Variants in RNF169 observed in about 807,000 individuals in gnomAD.
RNF169 encodes the protein ring finger protein 169.
A neutral mutation model predicts 53.9 loss-of-function variants in RNF169; 24 were observed. The observed-to-expected ratio is 0.45, with a 90% CI of 0.32 to 0.63. The LOEUF (loss-of-function observed/expected upper bound fraction) is 0.63, where lower values mean the gene tolerates loss of function less well. Among genes scored for constraint, RNF169 ranks in the 20% least tolerant of loss-of-function variants. The pLI, the probability that RNF169 is intolerant of heterozygous loss-of-function variation, is 0.04. For synonymous variants in RNF169, 396 were observed against 363.5 expected, an observed-to-expected ratio of 1.09 and a Z score of -1.02; for missense variants, 883 against 906.2, an observed-to-expected ratio of 0.97 and a Z score of 0.33.
intron 2 of RNF169, among the ~76,000 whole-genome samples, chr11:74,803,793 G>A (rs548482437): frequency 9.2e-5 from 14 of 152,296 alleles, no homozygotes; most frequent in African/African-American, 2.9e-4. Flanking sequence ...CAGTAATTAT[G>A]TTGATAAACA....
chr11:74,761,648 T>C (rs568622361), intron 1 of RNF169, among the ~76,000 whole-genome samples: 12 of 152,320 alleles, frequency 7.9e-5, no homozygotes, highest in East Asian at 1.9e-4. Flanking sequence ...CCCCCACTCT[T>C]TTCTGGCTTG....
intron 2 of RNF169, among the ~76,000 whole-genome samples, chr11:74,795,106 G>A (rs76611678): frequency 7.6e-4 from 116 of 151,950 alleles, no homozygotes; most frequent in African/African-American, 2.5e-3. Flanking sequence ...ACGCTTGGCC[G>A]GAAGGAAGGA....
At chr11:74,818,325 A>G (rs2035965659) in intron 4 of RNF169, among the ~76,000 whole-genome samples, 1 of 152,196 alleles carries the variant, frequency 6.6e-6, no homozygotes, top group African/African-American at 2.4e-5. Context: ...TCATGCATAC[A>G]TTCATTCAAC....
intron 4 of RNF169, among the ~76,000 whole-genome samples, chr11:74,827,242 T>C (rs925302827): frequency 1.3e-5 from 2 of 152,220 alleles, no homozygotes; most frequent in African/African-American, 4.8e-5. Context: ...GCTCGTACTC[T>C]CTGAAACAAT....
intron 3 of RNF169, among the ~76,000 whole-genome samples, chr11:74,817,009 G>A (rs1399155926): frequency 1.3e-5 from 2 of 152,188 alleles, no homozygotes; most frequent in Non-Finnish European, 2.9e-5. Flanking sequence ...CCAGGCAAAA[G>A]ATGATAAGAA....
At chr11:74,820,459 A>G (rs971255568) in intron 4 of RNF169, among the ~76,000 whole-genome samples, 2 of 151,988 alleles carry the variant, frequency 1.3e-5, no homozygotes, top group African/African-American at 4.8e-5. Context: ...ATGAAAAGAA[A>G]GGGGGTGGGG....
At chr11:74,826,994 T>C (rs1370956923) in intron 4 of RNF169, among the ~76,000 whole-genome samples, 1 of 152,158 alleles carries the variant, frequency 6.6e-6, no homozygotes, top group Non-Finnish European at 1.5e-5. Context: ...TGGAGGAAGG[T>C]AGCCCTCTTA....
At chr11:74,749,563 G>C (rs1176654296) in intron 1 of RNF169, among the ~76,000 whole-genome samples, 181 bp downstream of exon 1, 3 of 152,214 alleles carry the variant, frequency 2.0e-5, no homozygotes, top group African/African-American at 7.2e-5. Context: ...TCAGAGTGAA[G>C]GACAGGCACG....
chr11:74,825,337 G>C (rs749961276), intron 4 of RNF169, among the ~76,000 whole-genome samples: 1 of 152,166 alleles, frequency 6.6e-6, no homozygotes, highest in African/African-American at 2.4e-5. Context: ...GAAACAACAC[G>C]TTCTTTAAAA....
rs1224803724 is a variant in RNF169, at chr11:74,841,607, T to C, written c.*4877T>C. 1 of 152,210 alleles carries C rather than the reference T, an allele frequency of 6.6e-6. No homozygotes were observed. The highest frequency in any genetic ancestry group is 1.5e-5 in the Non-Finnish European group (1 of 68,040). 9.4% of individuals were successfully genotyped at this position (152,210 alleles called of 1,614,324 possible). A position where few individuals can be genotyped will look rare whatever the true frequency, so the allele number is the denominator to read the frequency against. On this transcript the variant is annotated 3_prime_UTR_variant, in exon 6 of 6. Coordinates refer to ENST00000299563, the MANE Select transcript of RNF169 (RefSeq NM_001098638.2). ...TGCCTTTTAAGTAAGGTGGCAACTT[T>C]TAACTGTCATCTTGTGAGAGGCAAC...
chr11:74,762,025 ACTTCCCTTCTCG>A (rs1238727389), intron 1 of RNF169, among the ~76,000 whole-genome samples: 2 of 137,176 alleles, frequency 1.5e-5, no homozygotes, highest in African/African-American at 5.7e-5. Context: ...TTTTCTCTAA[ACTTCCCTTCTCG>A]CTTCATTTCA....
chr11:74,807,747 AT>A (rs2035824815), intron 2 of RNF169: 1 of 152,178 alleles, frequency 6.6e-6, no homozygotes, highest in Admixed American at 6.5e-5. Flanking sequence ...ACAGCAATTG[AT>A]ATTTTTTATT....
intron 2 of RNF169, among the ~76,000 whole-genome samples, chr11:74,809,613 A>G (rs957576841): frequency 5.9e-5 from 9 of 152,252 alleles, no homozygotes; most frequent in Non-Finnish European, 1.2e-4. Flanking sequence ...TGAGCCCTGG[A>G]GTTCAAGACC....
intron 1 of RNF169, among the ~76,000 whole-genome samples, chr11:74,775,523 C>T (rs1278385845): frequency 6.6e-6 from 1 of 151,118 alleles, no homozygotes; most frequent in African/African-American, 2.4e-5. Context: ...TCTCTCTGTT[C>T]TGTTTTTTTT....
At chr11:74,753,001 C>T (rs1269533127) in intron 1 of RNF169, among the ~76,000 whole-genome samples, 1 of 152,088 alleles carries the variant, frequency 6.6e-6, no homozygotes, top group Non-Finnish European at 1.5e-5. Flanking sequence ...CAGAGTCTTG[C>T]TCTGTTGCCC....
rs926253413 is a variant in RNF169 at position 74,836,546 on chromosome 11, G to A, written c.1943G>A (p.Gly648Asp). Residue 648 changes from glycine (G) to aspartate (D), a missense_variant, in exon 6 of 6, where the codon GGT becomes GAT. Physicochemically the swap from Gly to Asp is moderately conservative, Grantham distance 94. Coordinates refer to ENST00000299563, the MANE Select transcript of RNF169 (RefSeq NM_001098638.2). Reference protein sequence around the residue: ...KKLRQTSGEVGLAPTDPVLRE... With the variant: ...KKLRQTSGEVDLAPTDPVLRE... ...CTGCGACAAACCAGTGGGGAGGTGGGTCTGGCCCCAACAGACCCAGTCCTG... is the reference window on the plus strand; with the variant it reads ...CTGCGACAAACCAGTGGGGAGGTGGATCTGGCCCCAACAGACCCAGTCCTG... 3.1e-6 allele frequency: 5 copies of A among 1,614,000 alleles called. No homozygotes were observed. The African/African-American group carries it at 5.3e-5, about 17-fold the overall frequency.
intron 2 of RNF169, chr11:74,807,773 T>A (rs1276169691): frequency 6.6e-6 from 1 of 152,212 alleles, no homozygotes; most frequent in Non-Finnish European, 1.5e-5. Flanking sequence ...TTTAAAATGC[T>A]ACTTTCTCAC....
At chr11:74,768,622 AG>A (rs988513166) in intron 1 of RNF169, among the ~76,000 whole-genome samples, 4 of 151,668 alleles carry the variant, frequency 2.6e-5, no homozygotes, top group African/African-American at 7.3e-5. Context: ...AAAAAAAAAA[AG>A]GTTGTAAATG....
chr11:74,818,100 A>G (rs980405578), intron 4 of RNF169, among the ~76,000 whole-genome samples: 1 of 152,216 alleles, frequency 6.6e-6, no homozygotes, highest in Non-Finnish European at 1.5e-5. Flanking sequence ...ATATCTTTAT[A>G]GGTTTCAAGA....
Sources: allele counts gnomAD v4.1 joint callset (sites outside exome capture counted in the v4.1 genomes callset), GRCh38; gene constraint gnomAD v4.1.1; transcripts MANE v1.5; gene names NCBI Gene and HGNC (gene_info 2026-07-23, HGNC 2026-07-21).